Variants in DPF3 observed in about 807,000 individuals in gnomAD.
DPF3 encodes zinc finger protein DPF3.
In DPF3, 18 loss-of-function variants were observed where a neutral mutation model predicts 56.8. The ratio of observed to expected loss-of-function variants is 0.32; its 90% confidence interval spans 0.22 to 0.47. The LOEUF is 0.47. Among genes scored for constraint, DPF3 ranks in the 20% least tolerant of loss-of-function variants. The pLI is 1.00. For synonymous variants in DPF3, 188 were observed against 180.2 expected, an observed-to-expected ratio of 1.04 and a Z score of -0.35; for missense variants, 403 against 488.8, an observed-to-expected ratio of 0.82 and a Z score of 1.65.
rs1884139234 is a variant in DPF3, at chr14:72,617,195, G to C, written c.*2102C>G. The stretch of plus-strand genomic sequence containing the variant: ...ACAAATTTGCACATACTCTGAAGAG[G>C]ACGTGTGAAGTTGTAGAGCCACAGT... On this transcript the variant is annotated 3_prime_UTR_variant, in exon 11 of 11. Transcript: ENST00000556509. Among the ~76,000 whole-genome samples, 1 of 152,226 alleles carries C rather than the reference G, an allele frequency of 6.6e-6. No individual in the cohort carries two copies. The highest frequency in any genetic ancestry group is 2.4e-5 in the African/African-American group (1 of 41,446).
intron 1 of DPF3, among the ~76,000 whole-genome samples, chr14:72,783,364 G>A (rs1182612176): frequency 1.3e-5 from 2 of 152,170 alleles, no homozygotes; most frequent in African/African-American, 4.8e-5. Context: ...TTGGCACATA[G>A]GAAATGCTCG....
chr14:72,712,166 C>T (rs563509062), intron 6 of DPF3, among the ~76,000 whole-genome samples: 1 of 152,012 alleles, frequency 6.6e-6, no homozygotes, highest in Non-Finnish European at 1.5e-5. Flanking sequence ...AGAAAGCCTG[C>T]CGTCAGGCCT....
chr14:72,748,244 G>A (rs1890408626), intron 3 of DPF3, among the ~76,000 whole-genome samples: 3 of 152,222 alleles, frequency 2.0e-5, no homozygotes, highest in Non-Finnish European at 4.4e-5. Context: ...GGGAACTAGA[G>A]CAAAGGTGAC....
At chr14:72,889,891 T>C (rs1886684618) in intron 1 of DPF3, among the ~76,000 whole-genome samples, 1 of 152,254 alleles carries the variant, frequency 6.6e-6, no homozygotes, top group Non-Finnish European at 1.5e-5. Context: ...ATCACGTATA[T>C]GTGTGTGTTC....
At chr14:72,756,943 G>A (rs1314134750) in intron 2 of DPF3, among the ~76,000 whole-genome samples, 7 of 66,630 alleles carry the variant, frequency 1.1e-4, no homozygotes, top group Non-Finnish European at 2.0e-4. Flanking sequence ...GAGAAGAGAA[G>A]AGAAAGGGAG....
At chr14:72,653,539 G>T (rs1191753038) in intron 8 of DPF3, among the ~76,000 whole-genome samples, 1 of 152,228 alleles carries the variant, frequency 6.6e-6, no homozygotes, top group Non-Finnish European at 1.5e-5. Flanking sequence ...AGACCCCAAG[G>T]AGCTTCACGG....
chr14:72,884,940 C>CTATATATATATATATATATATATATA lies in DPF3; in HGVS notation c.32+9091_32+9116dup, dbSNP rs773450437. Among the ~76,000 whole-genome samples, 237 of 29,574 alleles carry CTATATATATATATATATATATATATA rather than the reference C, an allele frequency of 8.0e-3. 12 individuals are homozygous for CTATATATATATATATATATATATATA. The highest frequency in any genetic ancestry group is 0.029 in the Middle Eastern group (1 of 34). The allele number at this position is 29,574 out of a possible 152,430, so 19.4% of individuals were successfully genotyped here. Reference sequence around the variant, plus strand: ...TGAAACCCCGTCTCTACTAAAAATACTATATATATATATATATATATATAT... The same window carrying CTATATATATATATATATATATATATA: ...TGAAACCCCGTCTCTACTAAAAATACTATATATATATATATATATATATATATATATATATATATATATATATATAT... On this transcript the variant is annotated intron_variant, in intron 1 of 10. Coordinates refer to ENST00000556509, the MANE Select transcript of DPF3 (RefSeq NM_001280542.3).
At chr14:72,758,832 C>T (rs998923946) in intron 2 of DPF3, among the ~76,000 whole-genome samples, 6 of 152,172 alleles carry the variant, frequency 3.9e-5, no homozygotes, top group Non-Finnish European at 8.8e-5. Flanking sequence ...TTTCAAATAA[C>T]TTAAATATGT....
In DPF3 at chr14:72,619,210, G is replaced by T; in HGVS notation, c.*87C>A. 1.5e-6 allele frequency: 2 copies of T among 1,327,350 alleles called. No individual in the cohort carries two copies. Among genetic ancestry groups the T allele is most frequent in the Non-Finnish European group, 2.1e-6 (2 of 969,142 alleles). The allele number at this position is 1,327,350 out of a possible 1,614,324, so 82.2% of individuals were successfully genotyped here. ...CTTTTCCTTGCAGTTGGTCTGGCTG[G>T]ATATGTGGGAGGAGGGCGCGTTCTG... is the stretch of plus-strand genomic sequence containing the variant. On this transcript the variant is annotated 3_prime_UTR_variant, in exon 11 of 11. Coordinates refer to ENST00000556509, the MANE Select transcript of DPF3 (RefSeq NM_001280542.3).
intron 8 of DPF3, among the ~76,000 whole-genome samples, chr14:72,663,372 G>C (rs938856297): frequency 1.3e-5 from 2 of 152,104 alleles, no homozygotes; most frequent in Admixed American, 1.3e-4. Context: ...AAAGGACACT[G>C]CTTCCTTCAC....
At position 72,618,233 on chromosome 14, in the gene DPF3, C is replaced by G. The variant is rs1884209083; in HGVS notation, c.*1064G>C. Reference sequence around the variant, plus strand: ...CCCATCCTAAAATTCCCAGTCAGGTCTCAGTAGACAATAGCGAACAAACAC... The same window carrying G: ...CCCATCCTAAAATTCCCAGTCAGGTGTCAGTAGACAATAGCGAACAAACAC... On this transcript the variant is annotated 3_prime_UTR_variant, in exon 11 of 11. Transcript: ENST00000556509. 6.6e-6 allele frequency among the ~76,000 whole-genome samples: 1 copy of G among 152,196 alleles called. No homozygotes were observed. Among genetic ancestry groups the G allele is most frequent in the Admixed American group, 6.5e-5 (1 of 15,278 alleles).
intron 3 of DPF3, among the ~76,000 whole-genome samples, chr14:72,744,912 G>A (rs1890264385): frequency 6.6e-6 from 1 of 152,178 alleles, no homozygotes; most frequent in Non-Finnish European, 1.5e-5. Flanking sequence ...TGAAGAGCAG[G>A]CAGACTATTC....
chr14:72,804,536 A>G (rs1439030995), intron 1 of DPF3, among the ~76,000 whole-genome samples: 2 of 152,122 alleles, frequency 1.3e-5, no homozygotes, highest in Admixed American at 1.3e-4. Context: ...TTTCCTTTTC[A>G]CATGATTATT....
chr14:72,820,060 T>C (rs893929629), intron 1 of DPF3, among the ~76,000 whole-genome samples: 1 of 152,198 alleles, frequency 6.6e-6, no homozygotes, highest in South Asian at 2.1e-4. Flanking sequence ...CTTTTGGGGA[T>C]AATAATAATA....
chr14:72,655,477 T>C (rs572621268), intron 8 of DPF3, among the ~76,000 whole-genome samples: 1 of 152,326 alleles, frequency 6.6e-6, no homozygotes, highest in Non-Finnish European at 1.5e-5. Flanking sequence ...TTGGATGTGG[T>C]GGTGTCCAGT....
At chr14:72,827,301 G>T (rs891173725) in intron 1 of DPF3, among the ~76,000 whole-genome samples, 8 of 151,950 alleles carry the variant, frequency 5.3e-5, no homozygotes, top group African/African-American at 1.9e-4. Flanking sequence ...CCTAGTTCTG[G>T]AAAAGAAAAG....
At chr14:72,876,572 G>T (rs1221409323) in intron 1 of DPF3, among the ~76,000 whole-genome samples, 1 of 152,084 alleles carries the variant, frequency 6.6e-6, no homozygotes, top group Non-Finnish European at 1.5e-5. Context: ...ACAGATCTGT[G>T]TGCTCTCCTC....
chr14:72,722,981 G>A (rs189552183), intron 5 of DPF3, among the ~76,000 whole-genome samples: 1 of 151,776 alleles, frequency 6.6e-6, no homozygotes, highest in Non-Finnish European at 1.5e-5. Context: ...ACCAGCTGCA[G>A]CCCCCTGCTA....
At chr14:72,855,454 A>G (rs1369694323) in intron 1 of DPF3, among the ~76,000 whole-genome samples, 1 of 152,232 alleles carries the variant, frequency 6.6e-6, no homozygotes. Context: ...TCTACCCAGG[A>G]CAGCATGGTC....
Sources: allele counts gnomAD v4.1 joint callset (sites outside exome capture counted in the v4.1 genomes callset), GRCh38; gene constraint gnomAD v4.1.1; transcripts MANE v1.5; gene names NCBI Gene and HGNC (gene_info 2026-07-23, HGNC 2026-07-21).